The following ADAMTS6 variants were observed in gnomAD, a reference collection of about 807,000 sequenced individuals.
ADAMTS6 encodes ADAM metallopeptidase with thrombospondin type 1 motif 6.
A neutral mutation model predicts 144.3 loss-of-function variants in ADAMTS6; 23 were observed. That is an observed-to-expected ratio of 0.16 (90% CI 0.11 to 0.23). The LOEUF is 0.23. Among genes scored for constraint, ADAMTS6 ranks in the 10% least tolerant of loss-of-function variants. The pLI is 1.00. For synonymous variants in ADAMTS6, 444 were observed against 457.5 expected, an observed-to-expected ratio of 0.97 and a Z score of 0.38; for missense variants, 999 against 1,379.6, an observed-to-expected ratio of 0.72 and a Z score of 4.37.
intron 24 of ADAMTS6, among the ~76,000 whole-genome samples, chr5:65,159,010 GC>G (rs1328020552): frequency 6.6e-6 from 1 of 152,040 alleles, no homozygotes; most frequent in East Asian, 1.9e-4. Flanking sequence ...CCCTACAGAT[GC>G]CTGAATTCCT....
intron 15 of ADAMTS6, among the ~76,000 whole-genome samples, chr5:65,227,272 T>A (rs1757795198): frequency 6.6e-6 from 1 of 152,190 alleles, no homozygotes; most frequent in African/African-American, 2.4e-5. Context: ...GAAATTTGTG[T>A]TTTTTAAGGC....
chr5:65,380,620 T>C (rs1751963805), intron 7 of ADAMTS6, among the ~76,000 whole-genome samples: 1 of 152,168 alleles, frequency 6.6e-6, no homozygotes, highest in Non-Finnish European at 1.5e-5. Context: ...ACTTCTGAAA[T>C]GCCCCTAAAT....
chr5:65,437,575 T>C (rs753811916), intron 7 of ADAMTS6, among the ~76,000 whole-genome samples: 1 of 152,180 alleles, frequency 6.6e-6, no homozygotes, highest in Non-Finnish European at 1.5e-5. Context: ...AGCCAAACCA[T>C]ATCACAAGGT....
At chr5:65,377,556 C>G (rs948610101) in intron 7 of ADAMTS6, among the ~76,000 whole-genome samples, 1 of 152,176 alleles carries the variant, frequency 6.6e-6, no homozygotes, top group Non-Finnish European at 1.5e-5. Context: ...GAATAAAATA[C>G]TAGTAGATAC....
chr5:65,358,092 CA>C (rs772042294), intron 7 of ADAMTS6, among the ~76,000 whole-genome samples: 5 of 149,562 alleles, frequency 3.3e-5, no homozygotes. Context: ...AAAATACTAC[CA>C]AAGCAAATTC....
intron 9 of ADAMTS6, among the ~76,000 whole-genome samples, chr5:65,314,027 CAG>C (rs966146854): frequency 1.3e-5 from 2 of 151,914 alleles, no homozygotes; most frequent in Non-Finnish European, 2.9e-5. Flanking sequence ...AAACAACCAT[CAG>C]AGCTAGATTA....
chr5:65,398,695 G>C lies in ADAMTS6; in HGVS notation c.1073+52780C>G, dbSNP rs541833087. Among the ~76,000 whole-genome samples the C allele has an allele frequency of 4.0e-5, 6 of 151,824 alleles. No individual in the cohort carries two copies. In the South Asian group the frequency reaches 1.3e-3, roughly 32 times the overall value. Reference sequence around the variant, plus strand: ...CCACTGCACTCCAGTCTGGATGACAGAGCGAGACTCTGTCAGAAAGAGAGA... The same window carrying C: ...CCACTGCACTCCAGTCTGGATGACACAGCGAGACTCTGTCAGAAAGAGAGA... On this transcript the variant is annotated intron_variant, in intron 7 of 24. Coordinates refer to ENST00000381055, the MANE Select transcript of ADAMTS6 (RefSeq NM_197941.4).
intron 20 of ADAMTS6, chr5:65,198,861 G>C (rs1283790992): frequency 6.6e-6 from 1 of 152,492 alleles, no homozygotes; most frequent in African/African-American, 2.4e-5. Context: ...TTAAACTTTA[G>C]AATTTTTGAG....
In ADAMTS6 at chr5:65,361,063, T is replaced by A. The variant is rs142279611; in HGVS notation, c.1074-26978A>T. Among the ~76,000 whole-genome samples the A allele has an allele frequency of 2.6e-5, 4 of 152,140 alleles. No individual in the cohort carries two copies. In the East Asian group the frequency reaches 7.7e-4, roughly 29 times the overall value. ...TTATAATGGATTTAGTGTAACAGAGTAGCATGAACCTCTCTTAGGACCAGT... is the reference window on the plus strand; with the variant it reads ...TTATAATGGATTTAGTGTAACAGAGAAGCATGAACCTCTCTTAGGACCAGT... On this transcript the variant is annotated intron_variant, in intron 7 of 24. Transcript: ENST00000381055.
intron 7 of ADAMTS6, among the ~76,000 whole-genome samples, chr5:65,398,039 C>G (rs1188199277): frequency 6.6e-6 from 1 of 152,010 alleles, no homozygotes; most frequent in African/African-American, 2.4e-5. Flanking sequence ...TGTTTAATGG[C>G]CCAGAATGTG....
chr5:65,219,855 T>C (rs1000646642), intron 18 of ADAMTS6, among the ~76,000 whole-genome samples: 1 of 152,194 alleles, frequency 6.6e-6, no homozygotes, highest in Admixed American at 6.5e-5. Flanking sequence ...AACTATTGGG[T>C]TGGTGCAAAA....
At chr5:65,241,350 T>TCTCCC (rs1759169385) in intron 15 of ADAMTS6, among the ~76,000 whole-genome samples, 1 of 151,174 alleles carries the variant, frequency 6.6e-6, no homozygotes. Context: ...CCTGCCTTAG[T>TCTCCC]CTCCCAAGTA....
At chr5:65,333,115 T>C (rs2150063511) in intron 8 of ADAMTS6, among the ~76,000 whole-genome samples, 1 of 152,268 alleles carries the variant, frequency 6.6e-6, no homozygotes, top group Non-Finnish European at 1.5e-5. Context: ...ATCAATTTCA[T>C]AACTATTGTT....
chr5:65,239,431 T>C (rs151156011), intron 15 of ADAMTS6, among the ~76,000 whole-genome samples: 4 of 152,258 alleles, frequency 2.6e-5, no homozygotes, highest in Admixed American at 6.5e-5. Context: ...TAGATGTAAA[T>C]GTAAGGACTA....
chr5:65,282,698 CAAAG>C (rs1364119082), intron 11 of ADAMTS6, among the ~76,000 whole-genome samples: 1 of 152,006 alleles, frequency 6.6e-6, no homozygotes, highest in Non-Finnish European at 1.5e-5. Context: ...CTTATTGCTA[CAAAG>C]AGTCTGTTTC....
intron 15 of ADAMTS6, among the ~76,000 whole-genome samples, chr5:65,226,664 C>A (rs995267019): frequency 4.6e-5 from 7 of 152,014 alleles, no homozygotes; most frequent in African/African-American, 1.7e-4. Flanking sequence ...CAGCTCACTG[C>A]AACCTCTGCC....
At chr5:65,443,804 T>G (rs1580721929) in intron 7 of ADAMTS6, among the ~76,000 whole-genome samples, 1 of 149,164 alleles carries the variant, frequency 6.7e-6, no homozygotes, top group South Asian at 2.1e-4. Flanking sequence ...CAGCAAACTA[T>G]GAACACAAGG....
At chr5:65,263,194 A>T (rs922055078) in intron 12 of ADAMTS6, among the ~76,000 whole-genome samples, 1 of 152,106 alleles carries the variant, frequency 6.6e-6, no homozygotes, top group Admixed American at 6.6e-5. Flanking sequence ...GGGAGTTCTA[A>T]AAAAAAGTCA....
At chr5:65,472,036 G>C (rs1050239026) in intron 2 of ADAMTS6, among the ~76,000 whole-genome samples, 4 of 152,124 alleles carry the variant, frequency 2.6e-5, no homozygotes, top group Non-Finnish European at 4.4e-5. Context: ...ACAAAATGTA[G>C]TATATCCACA....
Sources: gnomAD v4.1 joint callset for allele counts (sites outside exome capture counted in the v4.1 genomes callset) on GRCh38, gnomAD v4.1.1 for gene constraint, MANE v1.5 for transcripts, NCBI Gene and HGNC (gene_info 2026-07-23, HGNC 2026-07-21) for gene names.